The following ACBD5 variants were observed in gnomAD, a reference collection of about 807,000 sequenced individuals.
The protein encoded by ACBD5 is acyl-CoA binding domain containing 5, also known as acyl-CoA-binding domain-containing protein 5.
A neutral mutation model predicts 71.8 loss-of-function variants in ACBD5; 40 were observed. The observed-to-expected ratio is 0.56, with a 90% CI of 0.43 to 0.72. ACBD5 has a LOEUF of 0.72. ACBD5 is among the 30% of genes least tolerant of loss of function. ACBD5 has a pLI of 0.00. For synonymous variants in ACBD5, 229 were observed against 218.6 expected (o/e 1.05, Z -0.42); for missense variants, 559 against 644.5 (o/e 0.87, Z 1.44).
At chr10:27,198,886 G>A (rs1028698608) in intron 12 of ACBD5, among the ~76,000 whole-genome samples, 12 of 152,060 alleles carry the variant, frequency 7.9e-5, no homozygotes, top group Admixed American at 3.3e-4. Context: ...CGAGGCGGGC[G>A]GATCACGAGG....
At chr10:27,237,568 G>A (rs1196833315) in intron 2 of ACBD5, among the ~76,000 whole-genome samples, 1 of 151,440 alleles carries the variant, frequency 6.6e-6, no homozygotes, top group Admixed American at 6.6e-5. Flanking sequence ...TTAGTTTCAG[G>A]GGATAACAGT....
intron 3 of ACBD5, 81 bp downstream of exon 3, chr10:27,235,011 A>C: frequency 7.2e-7 from 1 of 1,398,478 alleles, no homozygotes; most frequent in Non-Finnish European, 1.0e-6. Flanking sequence ...ACAGAATAAT[A>C]TATAACCACT....
rs574024978 is a variant in ACBD5 at position 27,217,880 on chromosome 10, A to C, written c.829+100T>G. 1.9e-3 allele frequency: 2,075 copies of C among 1,099,972 alleles called. 2 individuals are homozygous for C. The highest frequency in any genetic ancestry group is 4.9e-3 in the South Asian group (349 of 71,280). The allele number at this position is 1,099,972 out of a possible 1,614,324, so 68.1% of individuals were successfully genotyped here. On this transcript the variant is annotated intron_variant, in intron 7 of 12. Coordinates refer to ENST00000396271, the MANE Select transcript of ACBD5 (RefSeq NM_145698.5). ...TTAATAAGCCCTAAGATATTATTAA[A>C]TAAGAGATTTTTAAATTAAACTGAT... is the stretch of plus-strand genomic sequence containing the variant.
chr10:27,187,403 G>A (rs909106338), intron 13 of ACBD5, among the ~76,000 whole-genome samples: 2 of 152,150 alleles, frequency 1.3e-5, no homozygotes, highest in Admixed American at 1.3e-4. Context: ...CTAATGATAC[G>A]GTTTTGCCAC....
intron 13 of ACBD5, among the ~76,000 whole-genome samples, chr10:27,182,889 C>G (rs538785760): frequency 1.3e-5 from 2 of 151,888 alleles, no homozygotes; most frequent in Admixed American, 6.6e-5. Context: ...CTCAAAGGAT[C>G]CTCCCACCTC....
rs953498444 is a variant in ACBD5 at position 27,219,994 on chromosome 10, TTTTC to T, written c.491-141_491-138del. 13 of 607,142 alleles carry T rather than the reference TTTTC, an allele frequency of 2.1e-5. No homozygotes were observed. The African/African-American group carries it at 2.5e-4, about 12-fold the overall frequency. The allele number at this position is 607,142 out of a possible 1,614,324, so 37.6% of individuals were successfully genotyped here. A position where few individuals can be genotyped will look rare whatever the true frequency, so the allele number is the denominator to read the frequency against. On this transcript the variant is annotated intron_variant, in intron 5 of 12. Transcript: ENST00000396271. ...AAATGTTATATATATAATAGTATTA[TTTTC>T]TTTGACTATAAACATACATATATTA...
chr10:27,211,497 T>G (rs2061074719), intron 8 of ACBD5, among the ~76,000 whole-genome samples: 1 of 152,100 alleles, frequency 6.6e-6, no homozygotes, highest in Admixed American at 6.6e-5. Flanking sequence ...ATTTTTGTAT[T>G]TTTAGGAAAG....
chr10:27,183,245 CATT>C (rs2136206626), intron 13 of ACBD5, among the ~76,000 whole-genome samples: 1 of 149,040 alleles, frequency 6.7e-6, no homozygotes, highest in East Asian at 2.0e-4. Flanking sequence ...TAGTAAATCT[CATT>C]AGCAGCTGCC....
downstream of ACBD5, among the ~76,000 whole-genome samples, chr10:27,194,444 C>G (rs992920090): frequency 6.7e-6 from 1 of 149,864 alleles, no homozygotes; most frequent in Non-Finnish European, 1.5e-5. Context: ...AACCCCGTCT[C>G]TACTAAACGT....
At chr10:27,217,908 T>G in intron 7 of ACBD5, 72 bp downstream of exon 7, 1 of 1,339,194 alleles carries the variant, frequency 7.5e-7, no homozygotes, top group Non-Finnish European at 1.1e-6. Flanking sequence ...AAACTGATCC[T>G]AAAGATCCTA....
chr10:27,222,820 C>T (rs918612965), intron 5 of ACBD5, among the ~76,000 whole-genome samples: 1 of 152,212 alleles, frequency 6.6e-6, no homozygotes. Flanking sequence ...GATCTGCCCG[C>T]TTTCGCTTCC....
At position 27,235,179 on chromosome 10, in the gene ACBD5, T is replaced by C; in HGVS notation, c.215A>G (p.Lys72Arg). The change falls in exon 3 of 13, where the codon AAA becomes AGA. Residue 72 changes from lysine to arginine, a missense_variant. Physicochemically the swap from Lys to Arg is conservative, Grantham distance 26 (BLOSUM62 2). Coordinates refer to ENST00000396271, the MANE Select transcript of ACBD5 (RefSeq NM_145698.5). ...TGCCTGCTTATAGAAGCTATAAAAT[T>C]TAAGCATCATTTCATTTGTTGGCTG... Reference protein sequence around the residue: ...SFQPTNEMMLKFYSFYKQATE... With the variant: ...SFQPTNEMMLRFYSFYKQATE... 6.2e-7 allele frequency: 1 copy of C among 1,613,998 alleles called. No individual in the cohort carries two copies. Among genetic ancestry groups the C allele is most frequent in the Non-Finnish European group, 8.5e-7 (1 of 1,179,948 alleles).
intron 4 of ACBD5, among the ~76,000 whole-genome samples, chr10:27,225,937 A>G (rs982328089): frequency 2.0e-5 from 3 of 152,124 alleles, no homozygotes; most frequent in Non-Finnish European, 2.9e-5. Flanking sequence ...TTTTAAGGCT[A>G]CTAAATTCGG....
downstream of ACBD5, among the ~76,000 whole-genome samples, chr10:27,194,204 C>T (rs1181320423): frequency 2.1e-5 from 3 of 142,974 alleles, no homozygotes; most frequent in East Asian, 2.1e-4. Context: ...TGAGCCGAGA[C>T]GGCACCATTG....
intron 12 of ACBD5, among the ~76,000 whole-genome samples, chr10:27,199,748 A>AT (rs2059716386): frequency 6.6e-6 from 1 of 152,156 alleles, no homozygotes; most frequent in South Asian, 2.1e-4. Context: ...CCCCAAGAAG[A>AT]TTACATGATA....
chr10:27,192,334 T>C (rs187713519), downstream of ACBD5, among the ~76,000 whole-genome samples: 2 of 151,630 alleles, frequency 1.3e-5, no homozygotes, highest in East Asian at 3.9e-4. Flanking sequence ...GGGCTGGAGA[T>C]GGGGTGGCTT....
intron 2 of ACBD5, among the ~76,000 whole-genome samples, chr10:27,235,720 A>G (rs527273044): frequency 6.6e-6 from 1 of 152,372 alleles, no homozygotes; most frequent in East Asian, 1.9e-4. Flanking sequence ...AAGATAAAAT[A>G]GATTTCTCAC....
At chr10:27,203,595 T>C (rs897898852) in intron 12 of ACBD5, among the ~76,000 whole-genome samples, 1 of 152,024 alleles carries the variant, frequency 6.6e-6, no homozygotes, top group Non-Finnish European at 1.5e-5. Flanking sequence ...AAAAATTAGC[T>C]GGGCATGATG....
upstream of ACBD5, among the ~76,000 whole-genome samples, chr10:27,241,640 G>A (rs968386714): frequency 6.6e-6 from 1 of 150,410 alleles, no homozygotes; most frequent in South Asian, 2.1e-4. Context: ...GGTCGAGTGG[G>A]GAGGATTGCT....
Sources: gnomAD v4.1 joint callset for allele counts (sites outside exome capture counted in the v4.1 genomes callset) on GRCh38, gnomAD v4.1.1 for gene constraint, MANE v1.5 for transcripts, NCBI Gene and HGNC (gene_info 2026-07-23, HGNC 2026-07-21) for gene names.